Variants in KCNK2 observed in about 807,000 individuals in gnomAD.
KCNK2 encodes the protein potassium two pore domain channel subfamily K member 2, also known as potassium channel subfamily K member 2.
In KCNK2, 21 loss-of-function variants were observed where a neutral mutation model predicts 40.5. The observed-to-expected ratio is 0.52, with a 90% CI of 0.37 to 0.75. The LOEUF is 0.75. KCNK2 is among the 30% of genes least tolerant of loss of function. KCNK2 has a pLI of 0.00. For missense variants in KCNK2, 399 were observed against 531.6 expected, an observed-to-expected ratio of 0.75 and a Z score of 2.45; for synonymous variants, 191 against 202.2, an observed-to-expected ratio of 0.94 and a Z score of 0.47.
rs376242651 is a variant in KCNK2 at position 215,213,298 on chromosome 1, A to G, written c.963+18206A>G. Among the ~76,000 whole-genome samples, 79 of 152,318 alleles carry G rather than the reference A, an allele frequency of 5.2e-4. 3 individuals are homozygous for G. The South Asian group carries it at 0.016, about 32-fold the overall frequency. On this transcript the variant is annotated intron_variant, in intron 6 of 6. Transcript: ENST00000444842. The stretch of plus-strand genomic sequence containing the variant: ...AGCACTCTTCTTATTTTAAATAAGC[A>G]GATTAAACTTTATAAAAAAATTCTC...
intron 6 of KCNK2, among the ~76,000 whole-genome samples, chr1:215,201,008 A>G (rs778362675): frequency 1.3e-5 from 2 of 152,216 alleles, no homozygotes; most frequent in African/African-American, 2.4e-5. Context: ...GTTTGGGGCC[A>G]TCACTACCTG....
intron 1 of KCNK2, among the ~76,000 whole-genome samples, chr1:215,041,219 T>C (rs1277191257): frequency 6.6e-6 from 1 of 152,210 alleles, no homozygotes; most frequent in Non-Finnish European, 1.5e-5. Context: ...CTTAGCGATT[T>C]ATTTAGAGTA....
intron 3 of KCNK2, among the ~76,000 whole-genome samples, chr1:215,134,663 T>C (rs1322122060): frequency 6.6e-6 from 1 of 152,134 alleles, no homozygotes; most frequent in African/African-American, 2.4e-5. Context: ...GGCTTGTTTT[T>C]TTTCTGGTGA....
intron 1 of KCNK2, among the ~76,000 whole-genome samples, chr1:215,042,322 C>G (rs1043580824): frequency 3.9e-5 from 6 of 152,144 alleles, no homozygotes; most frequent in African/African-American, 1.4e-4. Flanking sequence ...CATTCCGTTG[C>G]ATTTTGTAGA....
chr1:215,100,188 T>C (rs542990253), intron 2 of KCNK2, among the ~76,000 whole-genome samples: 10 of 151,910 alleles, frequency 6.6e-5, no homozygotes, highest in Non-Finnish European at 1.3e-4. Context: ...TTTTGTCCTG[T>C]TAACCCAGGA....
chr1:215,203,290 A>G (rs1437159037), intron 6 of KCNK2, among the ~76,000 whole-genome samples: 1 of 152,224 alleles, frequency 6.6e-6, no homozygotes, highest in African/African-American at 2.4e-5. Context: ...ATTTAATTCT[A>G]TCTCAACTAT....
chr1:215,094,187 A>G (rs1335180097), intron 2 of KCNK2, among the ~76,000 whole-genome samples: 2 of 151,400 alleles, frequency 1.3e-5, no homozygotes, highest in African/African-American at 4.9e-5. Flanking sequence ...GAAAGTATCT[A>G]AAAAGGCTTT....
intron 1 of KCNK2, among the ~76,000 whole-genome samples, chr1:215,057,949 G>GGGT (rs1257124479): frequency 6.6e-6 from 1 of 152,120 alleles, no homozygotes; most frequent in Non-Finnish European, 1.5e-5. Context: ...GTGACAATGA[G>GGGT]GGTGATGGTG....
intron 3 of KCNK2, among the ~76,000 whole-genome samples, chr1:215,139,220 C>T (rs1201133385): frequency 6.6e-6 from 1 of 152,110 alleles, no homozygotes; most frequent in African/African-American, 2.4e-5. Flanking sequence ...CATTTCTTAT[C>T]ATTCTAGGAA....
chr1:215,157,093 C>A (rs1435834194), intron 3 of KCNK2, among the ~76,000 whole-genome samples: 1 of 152,174 alleles, frequency 6.6e-6, no homozygotes, highest in Admixed American at 6.5e-5. Flanking sequence ...CAAGGCCCCT[C>A]CTCTGACACT....
Position 215,235,842 on chromosome 1 carries a change from G to C in KCNK2, c.*697G>C, listed in dbSNP as rs971833652. 10 of 152,592 alleles carry C rather than the reference G, an allele frequency of 6.6e-5. No homozygotes were observed. The highest frequency in any genetic ancestry group is 1.9e-4 in the African/African-American group (8 of 41,418). 9.5% of individuals were successfully genotyped at this position (152,592 alleles called of 1,614,324 possible). A position where few individuals can be genotyped will look rare whatever the true frequency, so the allele number is the denominator to read the frequency against. ...GAAGCAACACTCAGCGTTGCCTAGC[G>C]TTAAAGGCACTGCAGAGAAATGAGG... On this transcript the variant is annotated 3_prime_UTR_variant, in exon 7 of 7. Transcript: ENST00000444842.
At chr1:215,211,551 CTG>C (rs1491478225) in intron 6 of KCNK2, among the ~76,000 whole-genome samples, 41 of 152,264 alleles carry the variant, frequency 2.7e-4, no homozygotes, top group African/African-American at 7.7e-4. Context: ...TGTCTACTGG[CTG>C]TCTCTCTTCC....
intron 2 of KCNK2, among the ~76,000 whole-genome samples, chr1:215,092,083 G>A (rs1659714653): frequency 6.6e-6 from 1 of 152,158 alleles, no homozygotes; most frequent in South Asian, 2.1e-4. Context: ...AAGGCAGTGA[G>A]TAGAAACAGG....
rs377323797 is a variant in KCNK2, at chr1:215,213,407, G to A, written c.963+18315G>A. Among the ~76,000 whole-genome samples, 78 of 152,196 alleles carry A rather than the reference G, an allele frequency of 5.1e-4. No individual in the cohort carries two copies. The South Asian group carries it at 0.013, about 26-fold the overall frequency. ...GTGGATCACCTGAGGTCAGGAGTTC[G>A]AGACTAGCCTTGCCAACATGGTGAA... On this transcript the variant is annotated intron_variant, in intron 6 of 6. Coordinates refer to ENST00000444842, the MANE Select transcript of KCNK2 (RefSeq NM_001017425.3).
At chr1:215,091,887 A>T (rs1659707038) in intron 2 of KCNK2, among the ~76,000 whole-genome samples, 1 of 152,210 alleles carries the variant, frequency 6.6e-6, no homozygotes, top group African/African-American at 2.4e-5. Context: ...GGCATGTAGA[A>T]GAACTACAAG....
intron 5 of KCNK2, among the ~76,000 whole-genome samples, chr1:215,184,101 A>G (rs1319708852): frequency 1.3e-5 from 2 of 152,174 alleles, no homozygotes; most frequent in Non-Finnish European, 2.9e-5. Flanking sequence ...ACCCTGGGAA[A>G]GGAGGGTGCA....
intron 5 of KCNK2, among the ~76,000 whole-genome samples, chr1:215,184,052 C>T (rs1664330292): frequency 6.6e-6 from 1 of 152,126 alleles, no homozygotes; most frequent in Admixed American, 6.5e-5. Flanking sequence ...AGGACATCTA[C>T]AGTCTAGATG....
chr1:215,008,278 G>A (rs1656256943), intron 1 of KCNK2, among the ~76,000 whole-genome samples: 1 of 152,032 alleles, frequency 6.6e-6, no homozygotes, highest in African/African-American at 2.4e-5. Flanking sequence ...GATGACAAAT[G>A]ATAACTTTAG....
At chr1:215,168,703 G>C (rs562035502) in intron 3 of KCNK2, among the ~76,000 whole-genome samples, 6 of 152,182 alleles carry the variant, frequency 3.9e-5, no homozygotes, top group African/African-American at 1.4e-4. Flanking sequence ...GGACCAGTAA[G>C]GGGTGGTGGG....
Sources: allele counts gnomAD v4.1 joint callset (sites outside exome capture counted in the v4.1 genomes callset), GRCh38; gene constraint gnomAD v4.1.1; transcripts MANE v1.5; gene names NCBI Gene and HGNC (gene_info 2026-07-23, HGNC 2026-07-21).